Variants in AKR1E2 observed in about 807,000 individuals in gnomAD.
AKR1E2 encodes the protein aldo-keto reductase family 1 member E2.
In AKR1E2, 43 loss-of-function variants were observed where a neutral mutation model predicts 41.9. The observed-to-expected ratio is 1.03, with a 90% CI of 0.80 to 1.32. The LOEUF (loss-of-function observed/expected upper bound fraction) is 1.32. AKR1E2 is among the 40% of genes most tolerant of loss of function. AKR1E2 has a pLI of 0.00. For synonymous variants in AKR1E2, 121 were observed against 138.9 expected, an observed-to-expected ratio of 0.87 and a Z score of 0.91; for missense variants, 423 against 396.5, an observed-to-expected ratio of 1.07 and a Z score of -0.57.
At chr10:4,852,890 G>GTCC (rs1834558275), downstream of AKR1E2, among the ~76,000 whole-genome samples, 2 of 152,120 alleles carry the variant, frequency 1.3e-5, no homozygotes, top group African/African-American at 4.8e-5. Context: ...TTCCTTCTGT[G>GTCC]TCCTCACATG....
Position 4,841,771 on chromosome 10 carries a change from CTG to C in AKR1E2, c.681-10_681-9del. 1 of 1,605,314 alleles carries C rather than the reference CTG, an allele frequency of 6.2e-7. No individual in the cohort carries two copies. The highest frequency in any genetic ancestry group is 8.5e-7 in the Non-Finnish European group (1 of 1,175,016). On this transcript the variant is annotated splice_polypyrimidine_tract_variant and intron_variant, in intron 6 of 9. Transcript: ENST00000298375. ...GGATCTCCTGGCTCACTCCCCTGTA[CTG>C]TGTCTCTCTAGTGAGGGGGTTGACC...
chr10:4,862,592 C>T, the AKR1E2 span, among the ~76,000 whole-genome samples: 6 of 152,254 alleles, frequency 3.9e-5, no homozygotes, highest in Admixed American at 3.3e-4. Context: ...TTGTTTGTAT[C>T]CTCTTTTATT....
the AKR1E2 span, among the ~76,000 whole-genome samples, chr10:4,861,008 T>A: frequency 6.6e-6 from 1 of 152,214 alleles, no homozygotes; most frequent in Admixed American, 6.5e-5. Context: ...ATTTGTATAA[T>A]TTTTGAAATT....
chr10:4,836,834 C>T (rs17133710), intron 4 of AKR1E2, among the ~76,000 whole-genome samples: 5,306 of 152,266 alleles, frequency 0.035, 149 homozygotes, highest in East Asian at 0.11. Context: ...TGCGTGTTGG[C>T]CCATTGGTCA....
the AKR1E2 span, among the ~76,000 whole-genome samples, chr10:4,854,676 A>C: frequency 6.6e-6 from 1 of 152,184 alleles, no homozygotes; most frequent in African/African-American, 2.4e-5. Context: ...AGACTACAGC[A>C]GTGATCAGCG....
intron 1 of AKR1E2, among the ~76,000 whole-genome samples, chr10:4,827,574 C>G (rs892940435): frequency 7.3e-5 from 11 of 151,486 alleles, no homozygotes; most frequent in African/African-American, 1.9e-4. Context: ...TGAGACAGCA[C>G]TGACTAAAAA....
At chr10:4,841,743 G>T (rs756999279) in intron 6 of AKR1E2, 42 bp from the exon 7 acceptor site, 1 of 1,421,580 alleles carries the variant, frequency 7.0e-7, no homozygotes, top group South Asian at 1.5e-5. Context: ...GGGCATCCAT[G>T]TTGGATCTCC....
downstream of AKR1E2, chr10:4,848,078 C>CTATT (rs1340907341): frequency 7.6e-6 from 1 of 131,532 alleles, no homozygotes; most frequent in African/African-American, 2.7e-5. Context: ...ATTTTAATTT[C>CTATT]TTTTTTTTTT....
chr10:4,833,562 C>A, intron 3 of AKR1E2, 96 bp downstream of exon 3: 1 of 1,071,338 alleles, frequency 9.3e-7, no homozygotes, highest in Non-Finnish European at 1.4e-6. Flanking sequence ...GACCAGCATT[C>A]AGGGCAGGGG....
chr10:4,869,606 G>A, the AKR1E2 span, among the ~76,000 whole-genome samples: 1 of 151,814 alleles, frequency 6.6e-6, no homozygotes, highest in African/African-American at 2.4e-5. Flanking sequence ...TGAGATAAGA[G>A]CTTAGATAGT....
chr10:4,832,988 C>T (rs1465723548), intron 2 of AKR1E2, among the ~76,000 whole-genome samples: 1 of 152,230 alleles, frequency 6.6e-6, no homozygotes, highest in Non-Finnish European at 1.5e-5. Context: ...AAGTGAGAAA[C>T]ACAAGATAGA....
the AKR1E2 span, among the ~76,000 whole-genome samples, chr10:4,857,755 C>A: frequency 6.6e-6 from 1 of 152,098 alleles, no homozygotes; most frequent in Non-Finnish European, 1.5e-5. Flanking sequence ...TGGATTTGTT[C>A]ATTTTATCTA....
chr10:4,861,953 T>C, the AKR1E2 span, among the ~76,000 whole-genome samples: 1 of 152,226 alleles, frequency 6.6e-6, no homozygotes, highest in Non-Finnish European at 1.5e-5. Flanking sequence ...CATTTGTCAA[T>C]TTTGGCTTTT....
At chr10:4,872,771 A>G in the AKR1E2 span, among the ~76,000 whole-genome samples, 2 of 152,216 alleles carry the variant, frequency 1.3e-5, no homozygotes, top group African/African-American at 4.8e-5. Flanking sequence ...AGCTAAATAA[A>G]CTAGTAAAAT....
the AKR1E2 span, among the ~76,000 whole-genome samples, chr10:4,860,323 G>T: frequency 1.3e-5 from 2 of 152,136 alleles, no homozygotes; most frequent in African/African-American, 4.8e-5. Context: ...CTCTCTTCAC[G>T]GTGCCATTGC....
chr10:4,859,769 G>A, the AKR1E2 span, among the ~76,000 whole-genome samples: 2 of 152,214 alleles, frequency 1.3e-5, no homozygotes, highest in South Asian at 2.1e-4. Flanking sequence ...AAAAAGAATG[G>A]CTTACGTTAC....
intron 7 of AKR1E2, among the ~76,000 whole-genome samples, chr10:4,842,149 T>G (rs1564272334): frequency 6.6e-6 from 1 of 152,090 alleles, no homozygotes; most frequent in Non-Finnish European, 1.5e-5. Context: ...TACAGAAAAG[T>G]TATTTATTCT....
chr10:4,846,375 C>A (rs1834336097), intron 8 of AKR1E2, among the ~76,000 whole-genome samples: 1 of 152,084 alleles, frequency 6.6e-6, no homozygotes, highest in Admixed American at 6.5e-5. Flanking sequence ...GAGAAGAATA[C>A]TATTTTCAAG....
Position 4,835,714 on chromosome 10 carries a change from T to G in AKR1E2, c.364T>G (p.Ser122Ala). The G allele has an allele frequency of 2.5e-6, 4 of 1,614,170 alleles. No individual in the cohort carries two copies. The highest frequency in any genetic ancestry group is 3.4e-6 in the Non-Finnish European group (4 of 1,180,030). The change falls in exon 4 of 10, where the codon TCC becomes GCC. Residue 122 changes from serine (S) to alanine (A), a missense_variant. Transcript: ENST00000298375. ...ATGGATCATGAGCTGCAGTGAACTT[T>G]CCTTCTGCCTCTCACATCCTCGAGT... ...PEWIMSCSEL[S>A]FCLSHPRVQD... is the part of the protein sequence containing the mutation.
Sources: allele counts gnomAD v4.1 joint callset (sites outside exome capture counted in the v4.1 genomes callset), GRCh38; gene constraint gnomAD v4.1.1; transcripts MANE v1.5; gene names NCBI Gene and HGNC (gene_info 2026-07-23, HGNC 2026-07-21).